JMJD1C: variants seen among roughly 807,000 people sequenced by gnomAD.
JMJD1C encodes jumonji domain-containing protein 1C.
In JMJD1C, 31 loss-of-function variants were observed where a neutral mutation model predicts 245.3. That is an observed-to-expected ratio of 0.13 (90% CI 0.09 to 0.17). JMJD1C has a LOEUF of 0.17. JMJD1C is among the 10% of genes least tolerant of loss of function. The pLI is 1.00. For missense variants in JMJD1C, 2,691 were observed against 3,000.2 expected (o/e 0.90, Z 2.41); for synonymous variants, 1,057 against 1,017.4 (o/e 1.04, Z -0.74).
rs1589165860 is a variant in JMJD1C at position 63,213,886 on chromosome 10, C to T, written c.2281G>A (p.Ala761Thr). 2 of 1,613,938 alleles carry T rather than the reference C, an allele frequency of 1.2e-6. No homozygotes were observed. The highest frequency in any genetic ancestry group is 4.5e-5 in the East Asian group (2 of 44,858). Residue 761 changes from alanine (A) to threonine (T), a missense_variant, in exon 8 of 26, where the codon GCA becomes ACA. By Grantham distance (58) the Ala-to-Thr change is moderately conservative. Coordinates refer to ENST00000399262, the MANE Select transcript of JMJD1C (RefSeq NM_032776.3). Reference protein sequence around the residue: ...PGTHHPALTPAPHLLAGSSSQ... With the variant: ...PGTHHPALTPTPHLLAGSSSQ... The stretch of plus-strand genomic sequence containing the variant: ...GATGATCCGGCTAGTAAATGGGGTG[C>T]AGGAGTTAAGGCAGGATGATGGGTA...
intron 2 of JMJD1C, among the ~76,000 whole-genome samples, chr10:63,371,182 A>C (rs1349888874): frequency 2.7e-5 from 4 of 148,776 alleles, no homozygotes; most frequent in Admixed American, 2.7e-4. Flanking sequence ...GGGTATAGCT[A>C]TGCTGCCCTG....
rs971539977 is a variant in JMJD1C at position 63,427,910 on chromosome 10, C to A, written c.168+37585G>T. 4 of 723,024 alleles carry A rather than the reference C, an allele frequency of 5.5e-6. No homozygotes were observed. The African/African-American group carries it at 7.0e-5, about 13-fold the overall frequency. The allele number at this position is 723,024 out of a possible 1,614,324, so 44.8% of individuals were successfully genotyped here. On this transcript the variant is annotated intron_variant, in intron 1 of 25. Coordinates refer to ENST00000399262, the MANE Select transcript of JMJD1C (RefSeq NM_032776.3). ...ACAGAGAAGGCAAGGACCTCACCAGCAAGGCAGCCACCTAGAAGCAGCAGC... is the reference window on the plus strand; with the variant it reads ...ACAGAGAAGGCAAGGACCTCACCAGAAAGGCAGCCACCTAGAAGCAGCAGC...
At chr10:63,362,478 TA>T (rs869239522) in intron 2 of JMJD1C, among the ~76,000 whole-genome samples, 12 of 22,098 alleles carry the variant, frequency 5.4e-4, no homozygotes, top group South Asian at 2.5e-3. Flanking sequence ...TTTATTTATA[TA>T]TATATTTATT....
chr10:63,391,492 AGAGT>A (rs1948053411), intron 1 of JMJD1C, among the ~76,000 whole-genome samples: 1 of 148,196 alleles, frequency 6.7e-6, no homozygotes, highest in Non-Finnish European at 1.5e-5. Context: ...TCTGGGCGAC[AGAGT>A]GAGACTCCGT....
At chr10:63,185,539 G>A (rs754282649) in intron 20 of JMJD1C, 24 bp downstream of exon 20, 15 of 1,357,612 alleles carry the variant, frequency 1.1e-5, no homozygotes, top group Non-Finnish European at 1.6e-5. Context: ...AAAAAGTCAA[G>A]AGTCAAAATG....
rs529535130 is a variant in JMJD1C, at chr10:63,236,929, CAG to C, written c.448-16948_448-16947del. Among the ~76,000 whole-genome samples the C allele has an allele frequency of 2.6e-5, 4 of 152,074 alleles. No homozygotes were observed. The East Asian group carries it at 5.8e-4, about 22-fold the overall frequency. ...AGGTGTTCAAGACCAGCCTGGGAAA[CAG>C]AGAGACCCTGTCTCTAAATATATAT... On this transcript the variant is annotated intron_variant, in intron 3 of 25. Coordinates refer to ENST00000399262, the MANE Select transcript of JMJD1C (RefSeq NM_032776.3).
chr10:63,230,762 G>A (rs2133384975), intron 3 of JMJD1C, among the ~76,000 whole-genome samples: 1 of 151,164 alleles, frequency 6.6e-6, no homozygotes, highest in Admixed American at 6.7e-5. Context: ...GTGACAGAGT[G>A]AGACTGTCCC....
At chr10:63,196,710 C>A (rs1209682975) in intron 13 of JMJD1C, among the ~76,000 whole-genome samples, 1 of 152,232 alleles carries the variant, frequency 6.6e-6, no homozygotes, top group Non-Finnish European at 1.5e-5. Context: ...CATCAGAACT[C>A]TACTCCTAAC....
At position 63,380,861 on chromosome 10, in the gene JMJD1C, G is replaced by A. The variant is rs368044479; in HGVS notation, c.169-379C>T. 2.5e-4 allele frequency among the ~76,000 whole-genome samples: 38 copies of A among 152,322 alleles called. No individual in the cohort carries two copies. In the East Asian group the frequency reaches 6.4e-3, roughly 25 times the overall value. On this transcript the variant is annotated intron_variant, in intron 1 of 25. Coordinates refer to ENST00000399262, the MANE Select transcript of JMJD1C (RefSeq NM_032776.3). The stretch of plus-strand genomic sequence containing the variant: ...CCTCCAGTATGGAAAACAGTATGGA[G>A]GTTCCTCAAAACACTATAAGTAGAT...
At chr10:63,362,193 A>G (rs1945427830) in intron 2 of JMJD1C, among the ~76,000 whole-genome samples, 1 of 151,448 alleles carries the variant, frequency 6.6e-6, no homozygotes, top group Non-Finnish European at 1.5e-5. Context: ...CAAAATCATG[A>G]CACTGCACTC....
At chr10:63,180,693 C>T (rs1843358802) in intron 22 of JMJD1C, among the ~76,000 whole-genome samples, 1 of 152,116 alleles carries the variant, frequency 6.6e-6, no homozygotes, top group African/African-American at 2.4e-5. Context: ...ACTTCTGCCT[C>T]CCAGGTTCAA....
intron 1 of JMJD1C, among the ~76,000 whole-genome samples, chr10:63,519,217 A>AC (rs745913139): frequency 8.3e-4 from 127 of 152,184 alleles, no homozygotes; most frequent in Non-Finnish European, 1.5e-3. Flanking sequence ...AACTTAACGC[A>AC]CAGCAGTCTA....
At chr10:63,496,383 T>A (rs906578664) in intron 1 of JMJD1C, among the ~76,000 whole-genome samples, 1 of 152,180 alleles carries the variant, frequency 6.6e-6, no homozygotes, top group Non-Finnish European at 1.5e-5. Context: ...ATAAGATAAT[T>A]GGGGAAATAT....
intron 2 of JMJD1C, among the ~76,000 whole-genome samples, chr10:63,309,770 A>AGCTG (rs1464480590): frequency 6.6e-6 from 1 of 152,114 alleles, no homozygotes; most frequent in African/African-American, 2.4e-5. Flanking sequence ...TTCAAAAATT[A>AGCTG]GCTGGGTGTG....
At chr10:63,254,284 G>A (rs180878257) in intron 3 of JMJD1C, among the ~76,000 whole-genome samples, 2 of 152,226 alleles carry the variant, frequency 1.3e-5, no homozygotes, top group East Asian at 1.9e-4. Flanking sequence ...ATTACCTGCC[G>A]AGGGAACAAA....
chr10:63,233,249 G>A lies in JMJD1C; in HGVS notation c.448-13266C>T, dbSNP rs547300160. On this transcript the variant is annotated intron_variant, in intron 3 of 25. Coordinates refer to ENST00000399262, the MANE Select transcript of JMJD1C (RefSeq NM_032776.3). The stretch of plus-strand genomic sequence containing the variant: ...AATTAACCTGCATAGTCTAAAATAT[G>A]CTCAACTGAGCACCACTGTTTTCAA... Among the ~76,000 whole-genome samples the A allele has an allele frequency of 2.1e-3, 326 of 152,174 alleles. 1 individual carries two copies. Among genetic ancestry groups the A allele is most frequent in the African/African-American group, 7.6e-3 (316 of 41,520 alleles).
chr10:63,178,451 G>C lies in JMJD1C; in HGVS notation c.7085-595C>G, dbSNP rs1843070211. On this transcript the variant is annotated intron_variant, in intron 22 of 25. Transcript: ENST00000399262. ...AAGGGGGTGGTCCTAACAATGACTT[G>C]TACTCATAGCATTTCCTAACTTACA... Among the ~76,000 whole-genome samples, 4 of 152,212 alleles carry C rather than the reference G, an allele frequency of 2.6e-5. No individual in the cohort carries two copies. In the South Asian group the frequency reaches 8.3e-4, roughly 32 times the overall value.
At chr10:63,486,071 CTGA>C (rs1953983185) in intron 1 of JMJD1C, among the ~76,000 whole-genome samples, 1 of 143,112 alleles carries the variant, frequency 7.0e-6, no homozygotes, top group South Asian at 2.2e-4. Context: ...GTGACAAAGC[CTGA>C]AGAATGAATG....
chr10:63,168,571 C>A lies in JMJD1C; in HGVS notation c.7402-5G>T. On this transcript the variant is annotated splice_region_variant and splice_polypyrimidine_tract_variant and intron_variant, in intron 24 of 25. Coordinates refer to ENST00000399262, the MANE Select transcript of JMJD1C (RefSeq NM_032776.3). ...ACAGCTGTGAAAATTCTGAACCTAT[C>A]CCCAAAAGAAAAACCGTGAAATACA... 6.4e-7 allele frequency: 1 copy of A among 1,561,762 alleles called. No homozygotes were observed. Among genetic ancestry groups the A allele is most frequent in the South Asian group, 1.2e-5 (1 of 81,666 alleles).
Sources: allele counts gnomAD v4.1 joint callset (sites outside exome capture counted in the v4.1 genomes callset), GRCh38; gene constraint gnomAD v4.1.1; transcripts MANE v1.5; gene names NCBI Gene and HGNC (gene_info 2026-07-23, HGNC 2026-07-21).